MUC5AC: variants seen among roughly 807,000 people sequenced by gnomAD.
MUC5AC encodes mucin-5AC.
Under a neutral mutation model 169.7 loss-of-function variants are expected in MUC5AC, and 158 were observed. The observed-to-expected ratio is 0.93, with a 90% CI of 0.82 to 1.06. The LOEUF (loss-of-function observed/expected upper bound fraction) is 1.06, where lower values mean the gene tolerates loss of function less well. Ranked by LOEUF, MUC5AC falls within the 50% of genes least tolerant of loss-of-function variation. MUC5AC has a pLI of 0.00. For synonymous variants in MUC5AC, 1,975 were observed against 1,237.0 expected, an observed-to-expected ratio of 1.60 and a Z score of -12.52; for missense variants, 4,359 against 3,089.9, an observed-to-expected ratio of 1.41 and a Z score of -9.74.
At chr11:1,193,697 G>A in intron 33 of MUC5AC, 38 bp downstream of exon 33, 1 of 752,342 alleles carries the variant, frequency 1.3e-6, no homozygotes, top group Non-Finnish European at 2.4e-6. Context: ...GGCAGCCGGG[G>A]CAGCCACTCC....
intron 42 of MUC5AC, 86 bp from the exon 43 acceptor site, chr11:1,198,182 G>T: frequency 1.4e-6 from 1 of 706,302 alleles, no homozygotes; most frequent in Non-Finnish European, 2.6e-6. Context: ...GGAATGAGGC[G>T]CCCAGGAGGC....
Position 1,182,637 on chromosome 11 carries a change from A to G in MUC5AC, c.4492A>G (p.Thr1498Ala), listed in dbSNP as rs1860842296. The change falls in exon 31 of 49, where the codon ACC (threonine) becomes GCC (alanine). Residue 1498 changes from threonine (T) to alanine (A), a missense_variant. Transcript: ENST00000621226. ...GACCACTCCTCCAACTACCTCCAAG[A>G]CCACTGAAACCCGGGCCTCAGGCTC... ...AQTTPPTTSK[T>A]TETRASGSSA... 5.0e-6 allele frequency: 2 copies of G among 399,054 alleles called. No individual in the cohort carries two copies. Among genetic ancestry groups the G allele is most frequent in the Non-Finnish European group, 8.8e-6 (2 of 226,516 alleles). 24.7% of individuals were successfully genotyped at this position (399,054 alleles called of 1,614,324 possible). A position where few individuals can be genotyped will look rare whatever the true frequency, so the allele number is the denominator to read the frequency against.
intron 19 of MUC5AC, among the ~76,000 whole-genome samples, 192 bp from the exon 20 acceptor site, chr11:1,175,959 C>T (rs1860673985): frequency 1.3e-5 from 2 of 148,370 alleles, no homozygotes; most frequent in Non-Finnish European, 3.0e-5. Flanking sequence ...ACACTCACAC[C>T]CAGTTATGCA....
rs1860152447 is a variant in MUC5AC, at chr11:1,161,924, A to G, written c.229A>G (p.Asn77Asp). The G allele has an allele frequency of 2.5e-6, 4 of 1,611,902 alleles. No homozygotes were observed. The Middle Eastern group carries it at 5.0e-4, about 200-fold the overall frequency. ...PVVRASNPAH[N>D]GRVCSTWGSF... is the part of the protein sequence containing the mutation. Reference sequence around the variant, plus strand: ...CACCGCAGCCTCCAACCCGGCGCACAACGGGCGGGTGTGCAGCACCTGGGG... The same window carrying G: ...CACCGCAGCCTCCAACCCGGCGCACGACGGGCGGGTGTGCAGCACCTGGGG... The change falls in exon 4 of 49, where the codon AAC (asparagine) becomes GAC (aspartate). Residue 77 changes from asparagine to aspartate, a missense_variant. Coordinates refer to ENST00000621226, the MANE Select transcript of MUC5AC (RefSeq NM_001304359.2).
At chr11:1,176,272 C>T (rs978496040) in intron 20 of MUC5AC, 21 bp downstream of exon 20, 1 of 398,742 alleles carries the variant, frequency 2.5e-6, no homozygotes, top group Non-Finnish European at 4.4e-6. Flanking sequence ...GAGGACTCCC[C>T]AATGACAGAC....
chr11:1,165,071 G>T (rs1860278393), intron 9 of MUC5AC, among the ~76,000 whole-genome samples: 1 of 149,312 alleles, frequency 6.7e-6, no homozygotes, highest in Non-Finnish European at 1.5e-5. Context: ...CCCTGAGGCT[G>T]GCTGAGGCCC....
At position 1,181,426 on chromosome 11, in the gene MUC5AC, C is replaced by T. The variant is rs1395633016; in HGVS notation, c.3976C>T (p.Pro1326Ser). ...YPCSPTTPVP[P>S]TTFSFSTPPL... ...CTGCAGCCCCACCACCCCTGTCCCC[C>T]CAACCACCTTCTCCTTCTCCACACC... The change falls in exon 30 of 49, where the codon CCA (proline) becomes TCA (serine). Residue 1326 changes from proline (P) to serine (S), a missense_variant. Physicochemically the swap from Pro to Ser is moderately conservative, Grantham distance 74. Transcript: ENST00000621226. 1 of 397,998 alleles carries T rather than the reference C, an allele frequency of 2.5e-6. No homozygotes were observed. The highest frequency in any genetic ancestry group is 4.4e-6 in the Non-Finnish European group (1 of 225,868). 24.7% of individuals were successfully genotyped at this position (397,998 alleles called of 1,614,324 possible).
At chr11:1,162,845 G>A in intron 5 of MUC5AC, 110 bp from the exon 6 acceptor site, 3 of 1,151,956 alleles carry the variant, frequency 2.6e-6, no homozygotes, top group South Asian at 1.2e-5. Context: ...ACTGCTTTCG[G>A]GGGTGTCTCT....
At chr11:1,192,648 G>C in intron 31 of MUC5AC, 123 bp downstream of exon 31, 1 of 691,428 alleles carries the variant, frequency 1.4e-6, no homozygotes, top group Admixed American at 2.0e-5. Flanking sequence ...CATTGTCACA[G>C]AGTGGCTGCT....
At chr11:1,198,213 G>A (rs71469855) in intron 42 of MUC5AC, 55 bp from the exon 43 acceptor site, 4 of 722,882 alleles carry the variant, frequency 5.5e-6, no homozygotes, top group South Asian at 4.3e-5. Context: ...GGAATGCTGA[G>A]GGTGAGGGGA....
At position 1,184,052 on chromosome 11, in the gene MUC5AC, A is replaced by G; in HGVS notation, c.5907A>G (p.Gly1969=). 5.1e-6 allele frequency: 2 copies of G among 394,236 alleles called. No homozygotes were observed. The highest frequency in any genetic ancestry group is 8.8e-6 in the Non-Finnish European group (2 of 226,996). The allele number at this position is 394,236 out of a possible 1,614,324, so 24.4% of individuals were successfully genotyped here. ...EWIDGSYPAP[G]INGGDFDTFQ... Reference sequence around the variant, plus strand: ...TTGATGGCAGCTACCCTGCTCCTGGAATAAATGGTGGAGATTTTGACACAT... The same window carrying G: ...TTGATGGCAGCTACCCTGCTCCTGGGATAAATGGTGGAGATTTTGACACAT... Residue 1969 remains glycine (G), a synonymous_variant, in exon 31 of 49, where the codon GGA becomes GGG. Coordinates refer to ENST00000621226, the MANE Select transcript of MUC5AC (RefSeq NM_001304359.2).
rs1319216926 is a variant in MUC5AC, at chr11:1,178,483, G to C, written c.3127G>C (p.Ala1043Pro). ...CCTGTGTGGGAACTTCGACGACATCGCCGTTAATGACTTTGCCACGCGGAG... is the reference window on the plus strand; with the variant it reads ...CCTGTGTGGGAACTTCGACGACATCCCCGTTAATGACTTTGCCACGCGGAG... ...CGLCGNFDDI[A>P]VNDFATRSRS... Residue 1043 changes from alanine (A) to proline (P), a missense_variant, in exon 25 of 49, where the codon GCC becomes CCC. Physicochemically the swap from Ala to Pro is conservative, Grantham distance 27 (BLOSUM62 -1). Transcript: ENST00000621226. 6.2e-6 allele frequency: 6 copies of C among 973,286 alleles called. No homozygotes were observed. Among genetic ancestry groups the C allele is most frequent in the Non-Finnish European group, 8.4e-6 (6 of 718,196 alleles). The allele number at this position is 973,286 out of a possible 1,614,324, so 60.3% of individuals were successfully genotyped here.
At position 1,190,720 on chromosome 11, in the gene MUC5AC, G is replaced by A; in HGVS notation, c.12575G>A (p.Ser4192Asn). The part of the protein sequence containing the change: ...TTSTISAPTT[S>N]TISSPTSSTT... ...AGCACAATCTCTGCCCCTACAACCAGCACAATCTCTTCCCCTACAAGCAGC... is the reference window on the plus strand; with the variant it reads ...AGCACAATCTCTGCCCCTACAACCAACACAATCTCTTCCCCTACAAGCAGC... The change falls in exon 31 of 49, where the codon AGC (serine) becomes AAC (asparagine). Residue 4192 changes from serine (S) to asparagine (N), a missense_variant. By Grantham distance (46) the Ser-to-Asn change is conservative (BLOSUM62 1). Coordinates refer to ENST00000621226, the MANE Select transcript of MUC5AC (RefSeq NM_001304359.2). 1.4e-6 allele frequency: 1 copy of A among 700,660 alleles called. No homozygotes were observed. Among genetic ancestry groups the A allele is most frequent in the South Asian group, 1.5e-5 (1 of 67,252 alleles). The allele number at this position is 700,660 out of a possible 1,614,324, so 43.4% of individuals were successfully genotyped here.
In MUC5AC at chr11:1,178,148, G is replaced by A. The variant is rs928677217; in HGVS notation, c.3088-296G>A. On this transcript the variant is annotated intron_variant, in intron 24 of 48. Transcript: ENST00000621226. ...TCCCAGTGAGGTGCCATGCATAGGC[G>A]CCGGGGTCAGGACTTAGGCGGGTCC... is the stretch of plus-strand genomic sequence containing the variant. 6.9e-3 allele frequency among the ~76,000 whole-genome samples: 1,057 copies of A among 152,344 alleles called. 12 individuals are homozygous for A. The highest frequency in any genetic ancestry group is 7.6e-3 in the Non-Finnish European group (518 of 68,028).
chr11:1,197,556 T>A lies in MUC5AC; in HGVS notation c.15950T>A (p.Leu5317Gln). The change falls in exon 41 of 49, where the codon CTG becomes CAG. Residue 5317 changes from leucine (L) to glutamine (Q), a missense_variant. Transcript: ENST00000621226. ...TLTCRPKLCP[L>Q]PPACPLPGFV... Reference sequence around the variant, plus strand: ...ACCTGCCGACCCAAGCTCTGCCCGCTGCCCCCTGCCTGCCCCCTGCCCGGC... The same window carrying A: ...ACCTGCCGACCCAAGCTCTGCCCGCAGCCCCCTGCCTGCCCCCTGCCCGGC... 1.4e-6 allele frequency: 1 copy of A among 716,304 alleles called. No homozygotes were observed. Among genetic ancestry groups the A allele is most frequent in the Non-Finnish European group, 2.5e-6 (1 of 393,964 alleles). 44.4% of individuals were successfully genotyped at this position (716,304 alleles called of 1,614,324 possible). A position where few individuals can be genotyped will look rare whatever the true frequency, so the allele number is the denominator to read the frequency against.
chr11:1,197,427 G>A (rs1410774263), intron 40 of MUC5AC, 41 bp from the exon 41 acceptor site: 1 of 697,564 alleles, frequency 1.4e-6, no homozygotes, highest in East Asian at 2.7e-5. Flanking sequence ...CCCCTGGGTG[G>A]AGCCGCTGCG....
chr11:1,168,913 G>A lies in MUC5AC; in HGVS notation c.1757G>A (p.Ser586Asn), dbSNP rs1860412050. The stretch of plus-strand genomic sequence containing the variant: ...CAGGCCGATGACTTCCGGACCCTCA[G>A]TGGGGTGGTGGAGGCCACCGCTGCG... ...SIQADDFRTL[S>N]GVVEATAAAF... The change falls in exon 15 of 49, where the codon AGT (serine) becomes AAT (asparagine). Residue 586 changes from serine (S) to asparagine (N), a missense_variant. By Grantham distance (46) the Ser-to-Asn change is conservative (BLOSUM62 1). Transcript: ENST00000621226. 2.5e-6 allele frequency: 4 copies of A among 1,610,936 alleles called. No individual in the cohort carries two copies. Among genetic ancestry groups the A allele is most frequent in the Non-Finnish European group, 3.4e-6 (4 of 1,178,892 alleles).
chr11:1,170,428 T>C (rs1466783305), intron 15 of MUC5AC, among the ~76,000 whole-genome samples: 448 of 35,004 alleles, frequency 0.013, no homozygotes, highest in Middle Eastern at 0.02. Context: ...CACTCACCCA[T>C]TCACCCATTC....
At chr11:1,193,796 A>C (rs1387058858) in intron 33 of MUC5AC, 137 bp downstream of exon 33, 2 of 635,308 alleles carry the variant, frequency 3.1e-6, no homozygotes, top group East Asian at 5.4e-5. Context: ...ACTTCCCAGC[A>C]TCAAGGCGGG....
Sources: gnomAD v4.1 joint callset for allele counts (sites outside exome capture counted in the v4.1 genomes callset) on GRCh38, gnomAD v4.1.1 for gene constraint, MANE v1.5 for transcripts, NCBI Gene and HGNC (gene_info 2026-07-23, HGNC 2026-07-21) for gene names.